The following PPIG variants were observed in gnomAD, a reference collection of about 807,000 sequenced individuals.
PPIG encodes the protein peptidyl-prolyl cis-trans isomerase G.
Under a neutral mutation model 87.9 loss-of-function variants are expected in PPIG, and 26 were observed. The ratio of observed to expected loss-of-function variants is 0.30; its 90% CI spans 0.22 to 0.41. PPIG has a LOEUF of 0.41. PPIG is among the 10% of genes least tolerant of loss of function. The pLI is 1.00. For missense variants in PPIG, 722 were observed against 879.4 expected (o/e 0.82, Z 2.26); for synonymous variants, 308 against 276.5 (o/e 1.11, Z -1.13).
At chr2:169,590,456 C>T (rs1574433232) in intron 1 of PPIG, among the ~76,000 whole-genome samples, 2 of 152,062 alleles carry the variant, frequency 1.3e-5, no homozygotes, top group African/African-American at 4.8e-5. Flanking sequence ...CTAGCTAACA[C>T]GGTGAAACCC....
At position 169,599,613 on chromosome 2, in the gene PPIG, C is replaced by T. The variant is rs906890472; in HGVS notation, c.-69-4029C>T. The stretch of plus-strand genomic sequence containing the variant: ...AATGCCAAGTTGCTTATCAAAACTG[C>T]TGGTGCCTTTTATGTTTTTTTTTGT... On this transcript the variant is annotated intron_variant, in intron 1 of 13. Transcript: ENST00000260970. Among the ~76,000 whole-genome samples, 5 of 152,266 alleles carry T rather than the reference C, an allele frequency of 3.3e-5. No homozygotes were observed. In the East Asian group the frequency reaches 7.7e-4, roughly 23 times the overall value.
chr2:169,601,333 C>G (rs563378363), intron 1 of PPIG, among the ~76,000 whole-genome samples: 24 of 152,164 alleles, frequency 1.6e-4, no homozygotes, highest in African/African-American at 5.5e-4. Context: ...TGTCATATGC[C>G]AAGCACTGTT....
intron 13 of PPIG, 48 bp downstream of exon 13, chr2:169,636,276 T>A: frequency 6.5e-7 from 1 of 1,539,516 alleles, no homozygotes; most frequent in Non-Finnish European, 8.7e-7. Context: ...AGTGTTTGCT[T>A]TTACTATTAT....
chr2:169,612,068 T>G (rs536199483), intron 7 of PPIG, among the ~76,000 whole-genome samples: 1 of 152,126 alleles, frequency 6.6e-6, no homozygotes, highest in Admixed American at 6.5e-5. Context: ...CTCAAACTCC[T>G]AGGCTCAAGT....
intron 7 of PPIG, among the ~76,000 whole-genome samples, chr2:169,613,891 A>G (rs1685550588): frequency 6.6e-6 from 1 of 152,232 alleles, no homozygotes; most frequent in African/African-American, 2.4e-5. Context: ...GTGCCAGTGC[A>G]CTGCAGCCTG....
chr2:169,620,818 A>G (rs1197955247), intron 9 of PPIG, among the ~76,000 whole-genome samples: 2 of 152,148 alleles, frequency 1.3e-5, no homozygotes, highest in African/African-American at 4.8e-5. Flanking sequence ...TGGGCTTGAC[A>G]TTCTAAAAGT....
In PPIG at chr2:169,584,486, T is replaced by G; in HGVS notation, c.-74T>G. ...CCAGAGAAGAGGAAAACTCTACCGG[T>G]GCAGGTAAGTGGTATGAGGCTCAAG... On this transcript the variant is annotated 5_prime_UTR_variant, in exon 1 of 14. Coordinates refer to ENST00000260970, the MANE Select transcript of PPIG (RefSeq NM_004792.3). 1 of 470,672 alleles carries G rather than the reference T, an allele frequency of 2.1e-6. No individual in the cohort carries two copies. Among genetic ancestry groups the G allele is most frequent in the Non-Finnish European group, 4.4e-6 (1 of 226,888 alleles). The allele number at this position is 470,672 out of a possible 1,614,324, so 29.2% of individuals were successfully genotyped here. A position where few individuals can be genotyped will look rare whatever the true frequency, so the allele number is the denominator to read the frequency against.
Position 169,600,646 on chromosome 2 carries a change from T to C in PPIG, c.-69-2996T>C, listed in dbSNP as rs193241355. 5.8e-3 allele frequency among the ~76,000 whole-genome samples: 878 copies of C among 151,954 alleles called. 32 individuals are homozygous for C. Among genetic ancestry groups the C allele is most frequent in the Admixed American group, 0.053 (805 of 15,238 alleles). ...TAGTAATCATGACAGTGAGACACTT[T>C]AAAAATGTCATTGAAAAACAAAAAC... On this transcript the variant is annotated intron_variant, in intron 1 of 13. Coordinates refer to ENST00000260970, the MANE Select transcript of PPIG (RefSeq NM_004792.3).
intron 1 of PPIG, among the ~76,000 whole-genome samples, chr2:169,599,862 A>G (rs1260812919): frequency 6.6e-6 from 1 of 152,198 alleles, no homozygotes; most frequent in East Asian, 1.9e-4. Context: ...CTCAGCAACT[A>G]TGACAATGTA....
At chr2:169,636,060 C>T in intron 12 of PPIG, 32 bp from the exon 13 acceptor site, 2 of 1,547,152 alleles carry the variant, frequency 1.3e-6, no homozygotes, top group Non-Finnish European at 1.8e-6. Flanking sequence ...TACTTCTATA[C>T]ATTAATTTTT....
intron 1 of PPIG, among the ~76,000 whole-genome samples, chr2:169,601,280 A>G (rs115741463): frequency 1.8e-3 from 280 of 152,264 alleles, no homozygotes; most frequent in Non-Finnish European, 3.4e-3. Flanking sequence ...ACTTATGCCT[A>G]TCCTCTCACA....
chr2:169,603,518 A>AT (rs1171689533), intron 1 of PPIG, 124 bp from the exon 2 acceptor site: 5 of 10,068 alleles, frequency 5.0e-4, no homozygotes, highest in African/African-American at 1.7e-3. Context: ...TAGTATATTA[A>AT]CTATATACTA....
chr2:169,632,762 T>C (rs947132245), intron 11 of PPIG, among the ~76,000 whole-genome samples: 1 of 151,228 alleles, frequency 6.6e-6, no homozygotes, highest in Non-Finnish European at 1.5e-5. Flanking sequence ...ATAATAATAA[T>C]AATAACTATG....
chr2:169,600,374 C>G (rs1013111334), intron 1 of PPIG, among the ~76,000 whole-genome samples: 2 of 152,190 alleles, frequency 1.3e-5, no homozygotes, highest in African/African-American at 4.8e-5. Context: ...TGCTCCCAGC[C>G]TCCTAAGCTC....
At chr2:169,589,118 A>G (rs548350682) in intron 1 of PPIG, among the ~76,000 whole-genome samples, 1 of 152,282 alleles carries the variant, frequency 6.6e-6, no homozygotes, top group East Asian at 1.9e-4. Flanking sequence ...GTAAGTGCGT[A>G]ATATCCTTAT....
chr2:169,636,195 T>C lies in PPIG; in HGVS notation c.1121T>C (p.Val374Ala). The C allele has an allele frequency of 1.9e-6, 3 of 1,609,828 alleles. No individual in the cohort carries two copies. In the South Asian group the frequency reaches 3.3e-5, roughly 18 times the overall value. ...ATGCAGAGAGCTCAAAGAATGAGGGTATCAAGTGGTGAAAGATGGATCAAG... is the reference window on the plus strand; with the variant it reads ...ATGCAGAGAGCTCAAAGAATGAGGGCATCAAGTGGTGAAAGATGGATCAAG... ...QEMQRAQRMR[V>A]SSGERWIKGD... The change falls in exon 13 of 14, where the codon GTA becomes GCA. Residue 374 changes from valine to alanine, a missense_variant. Around this residue, in one of 4 missense-constraint regions of PPIG, gnomAD observed 476 missense variants for 483.1 expected, o/e 0.99. Coordinates refer to ENST00000260970, the MANE Select transcript of PPIG (RefSeq NM_004792.3).
At chr2:169,599,925 T>G (rs765870460) in intron 1 of PPIG, among the ~76,000 whole-genome samples, 2 of 152,180 alleles carry the variant, frequency 1.3e-5, no homozygotes, top group Non-Finnish European at 2.9e-5. Flanking sequence ...GAAATAATTT[T>G]TTTCATAAGT....
rs9646732 is a variant in PPIG at position 169,640,162 on chromosome 2, A to G, written c.*2639A>G. 6.6e-6 allele frequency: 1 copy of G among 152,196 alleles called. No homozygotes were observed. Among genetic ancestry groups the G allele is most frequent in the African/African-American group, 2.4e-5 (1 of 41,454 alleles). 9.4% of individuals were successfully genotyped at this position (152,196 alleles called of 1,614,324 possible). ...AAACATTCTTTGATTAAATTACTACATAGTTGGTAAGTTCATAGTTTTAAG... is the reference window on the plus strand; with the variant it reads ...AAACATTCTTTGATTAAATTACTACGTAGTTGGTAAGTTCATAGTTTTAAG... On this transcript the variant is annotated 3_prime_UTR_variant, in exon 14 of 14. Transcript: ENST00000260970.
chr2:169,598,731 A>G (rs1040972282), intron 1 of PPIG, among the ~76,000 whole-genome samples: 8 of 151,114 alleles, frequency 5.3e-5, no homozygotes, highest in South Asian at 2.1e-4. Context: ...ATACAGTGGT[A>G]TACCTGATTT....
Sources: allele counts gnomAD v4.1 joint callset (sites outside exome capture counted in the v4.1 genomes callset), GRCh38; gene constraint gnomAD v4.1.1; regional missense constraint gnomAD v4.1.1; transcripts MANE v1.5; gene names NCBI Gene and HGNC (gene_info 2026-07-23, HGNC 2026-07-21).